The following SGTB variants were observed in gnomAD, a reference collection of about 807,000 sequenced individuals.
The protein encoded by SGTB is small glutamine rich tetratricopeptide repeat co-chaperone beta.
A neutral mutation model predicts 43.9 loss-of-function variants in SGTB; 19 were observed. That is an observed-to-expected ratio of 0.43 (90% confidence interval 0.30 to 0.63). The LOEUF is 0.63. SGTB is among the 30% of genes least tolerant of loss of function. The probability of loss-of-function intolerance (pLI) is 0.12; values close to 1 mark genes in which losing one functional copy is unlikely to be tolerated. For synonymous variants in SGTB, 116 were observed against 117.3 expected (o/e 0.99, Z 0.07); for missense variants, 304 against 358.9 (o/e 0.85, Z 1.24).
chr5:65,676,182 C>A (rs976960146), intron 8 of SGTB, among the ~76,000 whole-genome samples: 4 of 151,930 alleles, frequency 2.6e-5, no homozygotes, highest in Non-Finnish European at 4.4e-5. Flanking sequence ...AAGCAGTGGT[C>A]GCAATCCTAG....
chr5:65,717,875 A>G (rs1040113587), intron 2 of SGTB, among the ~76,000 whole-genome samples: 1 of 152,166 alleles, frequency 6.6e-6, no homozygotes, highest in African/African-American at 2.4e-5. Flanking sequence ...AGTTGGGCAC[A>G]AAGTAGGTGG....
At chr5:65,689,991 TAATACTC>T (rs144371106) in intron 5 of SGTB, among the ~76,000 whole-genome samples, 2,636 of 151,312 alleles carry the variant, frequency 0.017, 73 homozygotes, top group African/African-American at 0.061. Context: ...TTCTCCAACT[TAATACTC>T]AATACAAAGT....
intron 8 of SGTB, 31 bp downstream of exon 8, chr5:65,680,463 C>CTA: frequency 1.2e-6 from 2 of 1,610,314 alleles, no homozygotes; most frequent in African/African-American, 2.7e-5. Flanking sequence ...GAAAACATAG[C>CTA]CAGTAGAGGC....
intron 5 of SGTB, among the ~76,000 whole-genome samples, chr5:65,702,343 A>G (rs543861551): frequency 1.3e-5 from 2 of 152,206 alleles, no homozygotes; most frequent in Non-Finnish European, 2.9e-5. Flanking sequence ...AATATACACC[A>G]TGATGTTAAA....
At position 65,682,661 on chromosome 5, in the gene SGTB, T is replaced by G. The variant is rs140565515; in HGVS notation, c.480-1867A>C. Among the ~76,000 whole-genome samples the G allele has an allele frequency of 4.6e-3, 695 of 152,310 alleles. 3 individuals carry two copies. Among genetic ancestry groups the G allele is most frequent in the African/African-American group, 0.016 (647 of 41,576 alleles). On this transcript the variant is annotated intron_variant, in intron 6 of 10. Transcript: ENST00000381007. ...CCTGTGCATGGGATAGATAACTAAT[T>G]GTACAATGTATTGAGATTGGAAAGA...
At chr5:65,717,126 T>C (rs1056589732) in intron 2 of SGTB, among the ~76,000 whole-genome samples, 3 of 151,780 alleles carry the variant, frequency 2.0e-5, no homozygotes, top group Admixed American at 6.6e-5. Context: ...GAACTGACCA[T>C]TAAATTAAAC....
chr5:65,707,233 A>T (rs1395538935), intron 4 of SGTB, among the ~76,000 whole-genome samples: 1 of 151,708 alleles, frequency 6.6e-6, no homozygotes, highest in Non-Finnish European at 1.5e-5. Flanking sequence ...ACTGCACTCC[A>T]GCCGAGGTGG....
chr5:65,720,865 T>C, intron 1 of SGTB, 36 bp from the exon 2 acceptor site: 2 of 1,587,846 alleles, frequency 1.3e-6, no homozygotes, highest in Admixed American at 1.8e-5. Context: ...AACTAAGTTA[T>C]TTTAAAGAAT....
At chr5:65,714,732 T>G (rs1023867806) in intron 2 of SGTB, among the ~76,000 whole-genome samples, 1 of 152,180 alleles carries the variant, frequency 6.6e-6, no homozygotes, top group Admixed American at 6.5e-5. Flanking sequence ...TGGGAATTGC[T>G]TGAACCCAGG....
At chr5:65,716,437 G>A (rs1393467195) in intron 2 of SGTB, among the ~76,000 whole-genome samples, 2 of 152,244 alleles carry the variant, frequency 1.3e-5, no homozygotes, top group Non-Finnish European at 2.9e-5. Flanking sequence ...GAAGCAGAGA[G>A]ACCAGTTAGA....
chr5:65,673,747 C>A (rs1251274548), intron 8 of SGTB, among the ~76,000 whole-genome samples: 1 of 152,024 alleles, frequency 6.6e-6, no homozygotes, highest in Non-Finnish European at 1.5e-5. Flanking sequence ...CCTCTGCCTC[C>A]CGGAGTCAAG....
At chr5:65,690,488 A>C (rs1240884653) in intron 5 of SGTB, among the ~76,000 whole-genome samples, 1 of 152,172 alleles carries the variant, frequency 6.6e-6, no homozygotes, top group Non-Finnish European at 1.5e-5. Context: ...TTTATCACAC[A>C]AAACTCAGAT....
At chr5:65,720,081 C>CT (rs11312137) in intron 2 of SGTB, among the ~76,000 whole-genome samples, 1,469 of 124,936 alleles carry the variant, frequency 0.012, 14 homozygotes, top group African/African-American at 0.026. Flanking sequence ...TTTTCTTTTT[C>CT]TTTTTTTTTT....
intron 5 of SGTB, among the ~76,000 whole-genome samples, chr5:65,692,517 C>T (rs1757632689): frequency 6.6e-6 from 1 of 152,106 alleles, no homozygotes; most frequent in Non-Finnish European, 1.5e-5. Flanking sequence ...TAAATTTAAT[C>T]ATGAGGAAGC....
chr5:65,720,479 A>G (rs1185091878), intron 2 of SGTB, among the ~76,000 whole-genome samples: 1 of 152,196 alleles, frequency 6.6e-6, no homozygotes, highest in Non-Finnish European at 1.5e-5. Flanking sequence ...TACTTCTGAC[A>G]TATAGTATTT....
In SGTB at chr5:65,683,623, A is replaced by G. The variant is rs575760987; in HGVS notation, c.479+1745T>C. Among the ~76,000 whole-genome samples, 524 of 152,260 alleles carry G rather than the reference A, an allele frequency of 3.4e-3. 4 individuals are homozygous for G. Among genetic ancestry groups the G allele is most frequent in the African/African-American group, 0.012 (480 of 41,556 alleles). ...AGCATCCAGTAAAGTGGAAGGGGAA[A>G]CAGGGCAAGTGTAGTGTCAGGATCC... is the stretch of plus-strand genomic sequence containing the variant. On this transcript the variant is annotated intron_variant, in intron 6 of 10. Transcript: ENST00000381007.
At chr5:65,681,575 A>G (rs988353258) in intron 6 of SGTB, among the ~76,000 whole-genome samples, 1 of 152,142 alleles carries the variant, frequency 6.6e-6, no homozygotes, top group African/African-American at 2.4e-5. Flanking sequence ...TCAACCATGT[A>G]TGATACTTTA....
intron 2 of SGTB, among the ~76,000 whole-genome samples, chr5:65,714,386 T>C (rs1197189548): frequency 6.6e-6 from 1 of 152,160 alleles, no homozygotes; most frequent in Non-Finnish European, 1.5e-5. Context: ...AGACAACAAA[T>C]ATAATAAGCA....
chr5:65,670,343 G>A lies in SGTB; in HGVS notation c.818C>T (p.Ala273Val), dbSNP rs1163622432. 3 of 1,614,040 alleles carry A rather than the reference G, an allele frequency of 1.9e-6. No individual in the cohort carries two copies. Among genetic ancestry groups the A allele is most frequent in the Non-Finnish European group, 1.7e-6 (2 of 1,179,932 alleles). ...SSLIQAGQQF[A>V]QQIQQQNPEL... The stretch of plus-strand genomic sequence containing the variant: ...AGGATTTTGTTGCTGTATCTGCTGA[G>A]CAAACTGCTGTCCCCTGTAGTAAAG... Residue 273 changes from alanine to valine, a missense_variant, in exon 11 of 11, where the codon GCT (alanine) becomes GTT (valine). Transcript: ENST00000381007.
Sources: allele counts gnomAD v4.1 joint callset (sites outside exome capture counted in the v4.1 genomes callset), GRCh38; gene constraint gnomAD v4.1.1; transcripts MANE v1.5; gene names NCBI Gene and HGNC (gene_info 2026-07-23, HGNC 2026-07-21).